SCAMP1: variants seen among roughly 807,000 people sequenced by gnomAD.
The protein encoded by SCAMP1 is secretory carrier-associated membrane protein 1.
In SCAMP1, 15 loss-of-function variants were observed where a neutral mutation model predicts 41.8. The observed-to-expected ratio is 0.36, with a 90% CI of 0.24 to 0.55. SCAMP1 has a LOEUF of 0.55. Among genes scored for constraint, SCAMP1 ranks in the 20% least tolerant of loss-of-function variants. SCAMP1 has a pLI of 0.86. For missense variants in SCAMP1, 341 were observed against 412.6 expected, an observed-to-expected ratio of 0.83 and a Z score of 1.50; for synonymous variants, 135 against 136.8, an observed-to-expected ratio of 0.99 and a Z score of 0.09.
intron 7 of SCAMP1, among the ~76,000 whole-genome samples, chr5:78,454,986 A>G (rs1166924706): frequency 6.6e-6 from 1 of 152,022 alleles, no homozygotes; most frequent in East Asian, 1.9e-4. Context: ...TGTTTGTAGT[A>G]TTCTCTGATG....
At chr5:78,410,118 T>C (rs1161824110) in intron 2 of SCAMP1, among the ~76,000 whole-genome samples, 16 of 67,546 alleles carry the variant, frequency 2.4e-4, no homozygotes, top group Non-Finnish European at 1.5e-4. Context: ...ACTCTTTTTC[T>C]TTTTTTTTTT....
chr5:78,416,981 A>C (rs1044045434), intron 4 of SCAMP1, among the ~76,000 whole-genome samples: 2 of 152,212 alleles, frequency 1.3e-5, no homozygotes, highest in African/African-American at 4.8e-5. Context: ...TTATGAGTAC[A>C]TTTGCATGTA....
intron 4 of SCAMP1, among the ~76,000 whole-genome samples, chr5:78,417,680 G>A (rs552334653): frequency 1.4e-4 from 21 of 152,284 alleles, no homozygotes; most frequent in African/African-American, 4.1e-4. Context: ...ACTAAGGCTC[G>A]GAGGAGAGAG....
intron 8 of SCAMP1, among the ~76,000 whole-genome samples, chr5:78,473,758 T>A (rs1197579026): frequency 6.6e-6 from 1 of 152,188 alleles, no homozygotes; most frequent in Admixed American, 6.5e-5. Flanking sequence ...TTAATTAGGT[T>A]ATATACTTGA....
At chr5:78,427,138 C>T (rs982687838) in intron 6 of SCAMP1, among the ~76,000 whole-genome samples, 1 of 152,104 alleles carries the variant, frequency 6.6e-6, no homozygotes, top group African/African-American at 2.4e-5. Context: ...AACAATGGTG[C>T]CAGCATTTGC....
chr5:78,446,892 TC>T (rs983544922), intron 6 of SCAMP1, among the ~76,000 whole-genome samples: 1 of 152,172 alleles, frequency 6.6e-6, no homozygotes, highest in African/African-American at 2.4e-5. Flanking sequence ...AATGGCTGAT[TC>T]TAGAGTAGGG....
intron 8 of SCAMP1, among the ~76,000 whole-genome samples, chr5:78,474,921 T>C (rs1010314028): frequency 3.9e-5 from 6 of 152,166 alleles, no homozygotes; most frequent in Admixed American, 1.3e-4. Flanking sequence ...GAGAAACAAT[T>C]CCCAGAAGTG....
At chr5:78,360,809 C>A in intron 1 of SCAMP1, 81 bp downstream of exon 1, 2 of 1,380,960 alleles carry the variant, frequency 1.4e-6, no homozygotes, top group Non-Finnish European at 2.0e-6. Flanking sequence ...GCGCCCACTG[C>A]GTCTGCCCCT....
At chr5:78,391,141 A>C (rs1359984605) in intron 2 of SCAMP1, among the ~76,000 whole-genome samples, 4 of 152,106 alleles carry the variant, frequency 2.6e-5, no homozygotes, top group African/African-American at 9.7e-5. Context: ...CATTGTCATC[A>C]TGGCCCGTTC....
intron 6 of SCAMP1, among the ~76,000 whole-genome samples, chr5:78,436,686 G>A (rs1752765489): frequency 6.6e-6 from 1 of 152,148 alleles, no homozygotes; most frequent in South Asian, 2.1e-4. Flanking sequence ...TTTTTGCTTA[G>A]GATTGTCTTG....
chr5:78,365,214 C>T lies in SCAMP1; in HGVS notation c.57+4486C>T, dbSNP rs560116785. ...TAATGGCCAGGCGCAGTGGCTCACG[C>T]CTGTAATCCCAGCACTTTGGGAGGC... On this transcript the variant is annotated intron_variant, in intron 1 of 8. Transcript: ENST00000621999. 2.1e-3 allele frequency among the ~76,000 whole-genome samples: 312 copies of T among 152,124 alleles called. 1 individual carries two copies. Among genetic ancestry groups the T allele is most frequent in the Non-Finnish European group, 2.7e-3 (181 of 67,990 alleles).
intron 1 of SCAMP1, among the ~76,000 whole-genome samples, chr5:78,364,577 A>G (rs990809308): frequency 6.6e-6 from 1 of 152,140 alleles, no homozygotes; most frequent in African/African-American, 2.4e-5. Context: ...CCTGATTTCT[A>G]GTCCATTACT....
At chr5:78,409,195 T>G (rs1752007104) in intron 2 of SCAMP1, among the ~76,000 whole-genome samples, 1 of 152,128 alleles carries the variant, frequency 6.6e-6, no homozygotes, top group African/African-American at 2.4e-5. Context: ...AGGCTGTTCT[T>G]TCTTTGGATT....
chr5:78,365,022 G>T (rs903085734), intron 1 of SCAMP1, among the ~76,000 whole-genome samples: 2 of 151,944 alleles, frequency 1.3e-5, no homozygotes, highest in African/African-American at 4.8e-5. Flanking sequence ...TATTAAAAAA[G>T]AAAGACTCAG....
intron 6 of SCAMP1, among the ~76,000 whole-genome samples, chr5:78,437,814 A>T (rs183342641): frequency 1.4e-4 from 21 of 152,140 alleles, no homozygotes; most frequent in African/African-American, 4.8e-4. Context: ...TGTACCTCTG[A>T]TAGAATTCGG....
chr5:78,449,282 T>C (rs1753156783), intron 6 of SCAMP1, among the ~76,000 whole-genome samples: 1 of 152,098 alleles, frequency 6.6e-6, no homozygotes, highest in African/African-American at 2.4e-5. Context: ...CTGTGGTATA[T>C]TTACACAGTG....
intron 2 of SCAMP1, among the ~76,000 whole-genome samples, chr5:78,406,439 A>T (rs1751937149): frequency 6.6e-6 from 1 of 152,210 alleles, no homozygotes; most frequent in Non-Finnish European, 1.5e-5. Context: ...AGGTGTTTAG[A>T]ATATGGAAGA....
intron 6 of SCAMP1, among the ~76,000 whole-genome samples, chr5:78,430,484 TTATA>T (rs1223130408): frequency 6.6e-6 from 1 of 151,694 alleles, no homozygotes; most frequent in East Asian, 1.9e-4. Context: ...TCCTTTCTGT[TTATA>T]TAACCAGAAA....
intron 2 of SCAMP1, among the ~76,000 whole-genome samples, chr5:78,405,755 T>G (rs1169306040): frequency 1.3e-5 from 2 of 152,216 alleles, no homozygotes; most frequent in Non-Finnish European, 2.9e-5. Context: ...GTTTGATGAA[T>G]GTATGAATGA....
Sources: gnomAD v4.1 joint callset for allele counts (sites outside exome capture counted in the v4.1 genomes callset) on GRCh38, gnomAD v4.1.1 for gene constraint, MANE v1.5 for transcripts, NCBI Gene and HGNC (gene_info 2026-07-23, HGNC 2026-07-21) for gene names.